Variants in XPA observed in about 807,000 individuals in gnomAD.
XPA encodes the protein DNA repair protein complementing XP-A cells.
XPA carries 27 observed loss-of-function variants against 35.7 expected under a neutral mutation model. The observed-to-expected ratio is 0.76, with a 90% CI of 0.56 to 1.04. The LOEUF is 1.04. Among genes scored for constraint, XPA ranks in the 50% least tolerant of loss-of-function variants. XPA has a pLI of 0.00. For synonymous variants in XPA, 133 were observed against 118.4 expected, an observed-to-expected ratio of 1.12 and a Z score of -0.80; for missense variants, 354 against 342.7, an observed-to-expected ratio of 1.03 and a Z score of -0.26.
the XPA span, chr9:97,668,907 A>G: frequency 6.2e-7 from 1 of 1,613,720 alleles, no homozygotes; most frequent in Non-Finnish European, 8.5e-7. Context: ...GAACAAATAG[A>G]ACGACTTCAG....
chr9:97,696,464 A>G (rs1348913015), intron 1 of XPA, among the ~76,000 whole-genome samples: 1 of 152,218 alleles, frequency 6.6e-6, no homozygotes, highest in Non-Finnish European at 1.5e-5. Flanking sequence ...CAGAGGTCAC[A>G]TGTCCAAGAA....
rs543182465 is a variant in XPA, at chr9:97,679,424, G to C, written c.674-3837C>G. Among the ~76,000 whole-genome samples the C allele has an allele frequency of 4.6e-5, 7 of 152,174 alleles. No homozygotes were observed. In the South Asian group the frequency reaches 8.3e-4, roughly 18 times the overall value. On this transcript the variant is annotated intron_variant, in intron 5 of 5. Coordinates refer to ENST00000375128, the MANE Select transcript of XPA (RefSeq NM_000380.4). ...CCAAACAAAATAGTTTAAAAAGACA[G>C]GAGCTACCTTGAAGGGGATTCTACT...
downstream of XPA, chr9:97,671,064 A>AC: frequency 6.7e-7 from 1 of 1,503,100 alleles, no homozygotes; most frequent in South Asian, 1.1e-5. Context: ...TGACCTAACT[A>AC]CCCCCTTTTG....
intron 5 of XPA, among the ~76,000 whole-genome samples, chr9:97,684,409 A>G (rs1376957764): frequency 2.0e-5 from 3 of 152,238 alleles, no homozygotes; most frequent in Non-Finnish European, 4.4e-5. Context: ...TTTCAGTCAA[A>G]AAACCCTGCT....
At chr9:97,678,054 T>G (rs1244849029) in intron 5 of XPA, among the ~76,000 whole-genome samples, 1 of 152,048 alleles carries the variant, frequency 6.6e-6, no homozygotes, top group Non-Finnish European at 1.5e-5. Flanking sequence ...GACAGAGACA[T>G]AGAAATACAG....
At chr9:97,686,662 C>A (rs575774429) in intron 4 of XPA, among the ~76,000 whole-genome samples, 1 of 152,202 alleles carries the variant, frequency 6.6e-6, no homozygotes, top group African/African-American at 2.4e-5. Flanking sequence ...CGTGGCGGCT[C>A]ATGCCTGTAA....
intron 2 of XPA, among the ~76,000 whole-genome samples, chr9:97,690,128 T>C (rs1828840698): frequency 6.6e-6 from 1 of 152,236 alleles, no homozygotes; most frequent in South Asian, 2.1e-4. Flanking sequence ...TCCATCTTCA[T>C]AGCCAGCAAT....
chr9:97,677,911 C>A (rs1411251000), intron 5 of XPA, among the ~76,000 whole-genome samples: 1 of 152,022 alleles, frequency 6.6e-6, no homozygotes, highest in East Asian at 1.9e-4. Context: ...TTGATCAAGT[C>A]ACTATATTAA....
intron 5 of XPA, among the ~76,000 whole-genome samples, chr9:97,679,443 T>G (rs1233998399): frequency 6.6e-6 from 1 of 152,158 alleles, no homozygotes; most frequent in Non-Finnish European, 1.5e-5. Flanking sequence ...TTGAAGGGGA[T>G]TCTACTGGGC....
rs1488176083 is a variant in XPA, at chr9:97,697,319, C to T, written c.-27G>A. On this transcript the variant is annotated 5_prime_UTR_variant, in exon 1 of 6. Transcript: ENST00000375128. ...TCTGGCCCACTCCGAGGACCTAGCT[C>T]CCAGCTCCACGCACGCGCACTGCAC... 6.3e-7 allele frequency: 1 copy of T among 1,596,438 alleles called. No homozygotes were observed. The highest frequency in any genetic ancestry group is 1.7e-5 in the Admixed American group (1 of 59,936).
Position 97,675,813 on chromosome 9 carries a change from G to A in XPA, c.674-226C>T, listed in dbSNP as rs1038997460. On this transcript the variant is annotated intron_variant, in intron 5 of 5. Coordinates refer to ENST00000375128, the MANE Select transcript of XPA (RefSeq NM_000380.4). ...TGAATCAAGTTGTCACTGGAGCAGT[G>A]TGAAACAAGAGATTCAGAAATGGTT... The A allele has an allele frequency of 1.0e-5, 6 of 587,506 alleles. No homozygotes were observed. The African/African-American group carries it at 1.1e-4, about 11-fold the overall frequency. 36.4% of individuals were successfully genotyped at this position (587,506 alleles called of 1,614,324 possible).
In XPA at chr9:97,675,605, A is replaced by C. The variant is rs1374749593; in HGVS notation, c.674-18T>G. The C allele has an allele frequency of 5.6e-6, 9 of 1,613,868 alleles. No homozygotes were observed. The highest frequency in any genetic ancestry group is 7.6e-6 in the Non-Finnish European group (9 of 1,179,874). On this transcript the variant is annotated intron_variant, in intron 5 of 5. Transcript: ENST00000375128. ...CCGCAATTCTGAAAAAAAAATTTTA[A>C]AGTCATCTTTTCAGTGGTGCTATTC...
At chr9:97,670,070 C>G (rs1828139886), downstream of XPA, 1 of 347,212 alleles carries the variant, frequency 2.9e-6, no homozygotes, top group African/African-American at 2.1e-5. Flanking sequence ...TTACAGGCAC[C>G]CGTCACTACT....
At chr9:97,671,115 G>A (rs1564032345), downstream of XPA, 4 of 1,612,970 alleles carry the variant, frequency 2.5e-6, no homozygotes, top group Non-Finnish European at 3.4e-6. Context: ...AGTACATGGT[G>A]ACCCTGGAGA....
the XPA span, among the ~76,000 whole-genome samples, chr9:97,659,118 T>A: frequency 1.3e-5 from 2 of 152,274 alleles, no homozygotes; most frequent in African/African-American, 4.8e-5. Flanking sequence ...TGTGGCAGTA[T>A]GCCTTTAAAA....
chr9:97,685,090 ATAT>A (rs1828674111), intron 4 of XPA, 50 bp from the exon 5 acceptor site: 6 of 1,492,266 alleles, frequency 4.0e-6, no homozygotes, highest in Non-Finnish European at 5.6e-6. Flanking sequence ...GACTTGCGAA[ATAT>A]TATAGTTATA....
chr9:97,655,393 A>AT, the XPA span, among the ~76,000 whole-genome samples: 3,664 of 151,818 alleles, frequency 0.024, 130 homozygotes, highest in East Asian at 0.13. Flanking sequence ...AATTTCATAA[A>AT]ATTTTTTTTT....
intron 5 of XPA, chr9:97,682,544 A>G (rs923313091): frequency 2.2e-5 from 10 of 464,096 alleles, no homozygotes; most frequent in African/African-American, 1.8e-4. Flanking sequence ...ATTCATATGC[A>G]CAAAAGCAGT....
rs1554701945 is a variant in XPA, at chr9:97,689,582, T to TCCATAAATTCTTTC, written c.327_340dup (p.Asp114GlyfsTer10). On this transcript the variant is annotated frameshift_variant, in exon 3 of 6. Transcript: ENST00000375128. LOFTEE classifies it high-confidence loss of function. ...ATCAAAGTGGTTCATAAGATAAGAA[T>TCCATAAATTCTTTC]CCATAAATTCTTTCCCACATTCTTC... The TCCATAAATTCTTTC allele has an allele frequency of 1.2e-6, 2 of 1,613,180 alleles. No homozygotes were observed. Among genetic ancestry groups the TCCATAAATTCTTTC allele is most frequent in the Non-Finnish European group, 1.7e-6 (2 of 1,179,506 alleles).
Sources: allele counts gnomAD v4.1 joint callset (sites outside exome capture counted in the v4.1 genomes callset), GRCh38; gene constraint gnomAD v4.1.1; transcripts MANE v1.5; gene names NCBI Gene and HGNC (gene_info 2026-07-23, HGNC 2026-07-21).